The following TCF12 variants were observed in gnomAD, a reference collection of about 807,000 sequenced individuals.
TCF12 encodes the protein DNA-binding protein HTF4.
In TCF12, 45 loss-of-function variants were observed where a neutral mutation model predicts 86.0. The observed-to-expected ratio is 0.52, with a 90% CI of 0.41 to 0.67. The LOEUF is 0.67. Ranked by LOEUF, TCF12 falls within the 30% of genes least tolerant of loss-of-function variation. The pLI is 0.00. For missense variants in TCF12, 881 were observed against 859.9 expected (o/e 1.02, Z -0.31); for synonymous variants, 330 against 299.6 (o/e 1.10, Z -1.05).
At chr15:57,225,079 A>G (rs540957812) in intron 8 of TCF12, among the ~76,000 whole-genome samples, 1 of 152,192 alleles carries the variant, frequency 6.6e-6, no homozygotes, top group East Asian at 1.9e-4. Context: ...TTAGACTATC[A>G]TTTTAATATT....
chr15:57,179,820 T>C (rs531479706), intron 6 of TCF12, among the ~76,000 whole-genome samples: 1 of 152,244 alleles, frequency 6.6e-6, no homozygotes, highest in Non-Finnish European at 1.5e-5. Flanking sequence ...CAAATTAATA[T>C]ATTGTCCAAA....
intron 5 of TCF12, among the ~76,000 whole-genome samples, chr15:57,138,548 GA>G (rs11314713): frequency 0.93 from 140,316 of 150,992 alleles, 64,829 homozygotes; most frequent in South Asian, 0.98. Context: ...CTATCTAACC[GA>G]AAGGAAAAGT....
At chr15:57,283,019 A>G (rs2061765769) in intron 20 of TCF12, among the ~76,000 whole-genome samples, 1 of 152,190 alleles carries the variant, frequency 6.6e-6, no homozygotes, top group Non-Finnish European at 1.5e-5. Flanking sequence ...TTTGTCATGA[A>G]GCCTTTATAC....
At chr15:57,285,213 C>T (rs560642519) in intron 20 of TCF12, among the ~76,000 whole-genome samples, 2 of 152,192 alleles carry the variant, frequency 1.3e-5, no homozygotes, top group Non-Finnish European at 2.9e-5. Flanking sequence ...AAAAATTTGC[C>T]ATCCTGTAAT....
intron 5 of TCF12, among the ~76,000 whole-genome samples, chr15:57,104,642 G>T (rs550200218): frequency 6.6e-6 from 1 of 151,316 alleles, no homozygotes; most frequent in Non-Finnish European, 1.5e-5. Flanking sequence ...TGTCACGTTG[G>T]CCAGGCTGGT....
chr15:57,209,446 A>G (rs2058011085), intron 8 of TCF12, among the ~76,000 whole-genome samples: 1 of 152,234 alleles, frequency 6.6e-6, no homozygotes, highest in Admixed American at 6.5e-5. Flanking sequence ...AGTATGGAAA[A>G]CAACAATACA....
At chr15:56,985,275 C>G (rs2063127351) in intron 3 of TCF12, among the ~76,000 whole-genome samples, 3 of 152,014 alleles carry the variant, frequency 2.0e-5, no homozygotes, top group African/African-American at 7.2e-5. Context: ...GGAAGTGAGC[C>G]TAGACATTGT....
intron 3 of TCF12, among the ~76,000 whole-genome samples, chr15:57,050,672 GCTAT>G (rs775407386): frequency 2.6e-5 from 4 of 151,964 alleles, no homozygotes; most frequent in Non-Finnish European, 5.9e-5. Flanking sequence ...ACCATTTAAT[GCTAT>G]CTAACAGGTA....
At chr15:57,194,774 A>T (rs942565423) in intron 7 of TCF12, among the ~76,000 whole-genome samples, 1 of 152,196 alleles carries the variant, frequency 6.6e-6, no homozygotes, top group Non-Finnish European at 1.5e-5. Context: ...ACACAAAAGG[A>T]TGTGTTACCC....
intron 6 of TCF12, among the ~76,000 whole-genome samples, chr15:57,188,433 A>G (rs1331044783): frequency 6.6e-6 from 1 of 152,224 alleles, no homozygotes; most frequent in African/African-American, 2.4e-5. Flanking sequence ...ATACCCATCA[A>G]ACTTCCAATG....
chr15:57,277,559 G>A (rs552543571), intron 19 of TCF12, among the ~76,000 whole-genome samples: 2 of 150,222 alleles, frequency 1.3e-5, no homozygotes, highest in South Asian at 2.1e-4. Context: ...AACCCAGGAG[G>A]CAGAGGTTGC....
intron 18 of TCF12, among the ~76,000 whole-genome samples, chr15:57,264,366 A>T (rs1462009515): frequency 2.0e-5 from 3 of 151,260 alleles, no homozygotes; most frequent in African/African-American, 7.3e-5. Context: ...ACTCCAGGCT[A>T]ATTTTTGTAG....
At chr15:56,944,412 G>A (rs2060907479) in intron 3 of TCF12, among the ~76,000 whole-genome samples, 1 of 152,136 alleles carries the variant, frequency 6.6e-6, no homozygotes, top group Non-Finnish European at 1.5e-5. Context: ...ATAATTGTGG[G>A]TTAGATATGT....
chr15:57,086,281 G>A (rs2048624643), intron 4 of TCF12, among the ~76,000 whole-genome samples: 1 of 150,432 alleles, frequency 6.6e-6, no homozygotes, highest in Non-Finnish European at 1.5e-5. Context: ...TATGTGCCAG[G>A]AACTTTTCCA....
At chr15:57,102,488 C>CT (rs1461443502) in intron 5 of TCF12, among the ~76,000 whole-genome samples, 1 of 151,820 alleles carries the variant, frequency 6.6e-6, no homozygotes, top group Non-Finnish European at 1.5e-5. Flanking sequence ...ATTCCAGCTA[C>CT]TAGGGAGGCT....
intron 19 of TCF12, among the ~76,000 whole-genome samples, chr15:57,275,390 T>TGTGTGTGTGTG (rs1555417779): frequency 7.3e-6 from 1 of 136,904 alleles, no homozygotes; most frequent in Non-Finnish European, 1.7e-5. Flanking sequence ...TCTCACTGTG[T>TGTGTGTGTGTG]TGCCCAGGCT....
chr15:57,082,565 T>C (rs1461493213), intron 4 of TCF12, among the ~76,000 whole-genome samples: 2 of 152,226 alleles, frequency 1.3e-5, no homozygotes, highest in African/African-American at 4.8e-5. Flanking sequence ...TTAAGTGAAC[T>C]GATAAGGAAA....
At chr15:57,102,588 A>C (rs1249119475) in intron 5 of TCF12, among the ~76,000 whole-genome samples, 1 of 150,070 alleles carries the variant, frequency 6.7e-6, no homozygotes, top group African/African-American at 2.5e-5. Flanking sequence ...ACAGAGCACG[A>C]CTCTGTCTTT....
intron 19 of TCF12, among the ~76,000 whole-genome samples, chr15:57,274,996 AT>A (rs2061313678): frequency 6.6e-6 from 1 of 152,198 alleles, no homozygotes; most frequent in African/African-American, 2.4e-5. Flanking sequence ...GATGGACCTT[AT>A]TCATTTGTAA....
Sources: gnomAD v4.1 joint callset for allele counts (sites outside exome capture counted in the v4.1 genomes callset) on GRCh38, gnomAD v4.1.1 for gene constraint, MANE v1.5 for transcripts, NCBI Gene and HGNC (gene_info 2026-07-23, HGNC 2026-07-21) for gene names.